The following ARID1B variants were observed in gnomAD, a reference collection of about 807,000 sequenced individuals.
The protein encoded by ARID1B is AT-rich interaction domain 1B, also known as AT-rich interactive domain-containing protein 1B.
A neutral mutation model predicts 212.3 loss-of-function variants in ARID1B; 30 were observed. The ratio of observed to expected loss-of-function variants is 0.14; its 90% CI spans 0.11 to 0.19. The LOEUF (loss-of-function observed/expected upper bound fraction) is 0.19, where lower values mean the gene tolerates loss of function less well. Among genes scored for constraint, ARID1B ranks in the 10% least tolerant of loss-of-function variants. ARID1B has a pLI of 1.00. For missense variants in ARID1B, 2,891 were observed against 3,204.0 expected (o/e 0.90, Z 2.36); for synonymous variants, 1,402 against 1,301.7 (o/e 1.08, Z -1.66).
intron 4 of ARID1B, among the ~76,000 whole-genome samples, chr6:157,062,690 A>AG (rs1783416315): frequency 7.9e-6 from 1 of 126,468 alleles, no homozygotes; most frequent in African/African-American, 3.1e-5. Context: ...GTATGTTTTA[A>AG]AATATATATA....
intron 6 of ARID1B, among the ~76,000 whole-genome samples, chr6:157,117,282 AAT>A (rs1409526247): frequency 1.3e-5 from 2 of 152,202 alleles, no homozygotes; most frequent in African/African-American, 4.8e-5. Context: ...TTCATTATTG[AAT>A]ATTTCATTAT....
At chr6:156,859,609 ATTTATACACCAGCCT>A (rs1239196269) in intron 2 of ARID1B, among the ~76,000 whole-genome samples, 4 of 152,186 alleles carry the variant, frequency 2.6e-5, no homozygotes, top group Non-Finnish European at 5.9e-5. Flanking sequence ...TTATTTTATA[ATTTATACACCAGCCT>A]TTTATACAGA....
chr6:157,004,391 A>G (rs927734519), intron 4 of ARID1B, among the ~76,000 whole-genome samples: 1 of 152,212 alleles, frequency 6.6e-6, no homozygotes, highest in African/African-American at 2.4e-5. Flanking sequence ...CTGAAATGTT[A>G]AATGAAGCCA....
Position 156,786,485 on chromosome 6 carries a change from G to A in ARID1B, c.1791+7014G>A, listed in dbSNP as rs576513005. 9.9e-5 allele frequency among the ~76,000 whole-genome samples: 15 copies of A among 152,276 alleles called. No homozygotes were observed. The South Asian group carries it at 2.9e-3, about 30-fold the overall frequency. On this transcript the variant is annotated intron_variant, in intron 1 of 19. Coordinates refer to ENST00000636930, the MANE Select transcript of ARID1B (RefSeq NM_001374828.1). Reference sequence around the variant, plus strand: ...CTAGTCTCATGAACAGGCGTCTTTGGTTTGTGTAAGGTATTGGAATTGTAC... The same window carrying A: ...CTAGTCTCATGAACAGGCGTCTTTGATTTGTGTAAGGTATTGGAATTGTAC...
intron 4 of ARID1B, among the ~76,000 whole-genome samples, chr6:157,035,780 C>T (rs908101488): frequency 1.3e-5 from 2 of 152,178 alleles, no homozygotes; most frequent in Admixed American, 1.3e-4. Context: ...GGTCAGTGAG[C>T]CTGGCTTTCA....
intron 4 of ARID1B, chr6:156,936,478 T>G (rs1176297700): frequency 6.6e-6 from 1 of 151,962 alleles, no homozygotes; most frequent in Non-Finnish European, 1.5e-5. Flanking sequence ...AGTTCATATC[T>G]ACTTAATTTG....
chr6:156,907,975 A>G (rs1236973869), intron 3 of ARID1B, among the ~76,000 whole-genome samples: 1 of 149,434 alleles, frequency 6.7e-6, no homozygotes, highest in African/African-American at 2.4e-5. Context: ...TTGTGTTGTT[A>G]TCTGTTCTCT....
At chr6:157,086,310 GAT>G (rs969720162) in intron 5 of ARID1B, among the ~76,000 whole-genome samples, 24 of 152,156 alleles carry the variant, frequency 1.6e-4, no homozygotes, top group Non-Finnish European at 3.1e-4. Flanking sequence ...TTCTTTCAAA[GAT>G]ATATGTTTGT....
intron 4 of ARID1B, among the ~76,000 whole-genome samples, chr6:157,041,090 C>G (rs554241322): frequency 6.6e-6 from 1 of 152,212 alleles, no homozygotes; most frequent in South Asian, 2.1e-4. Context: ...AGTTCTGAAA[C>G]TGTAGACCAC....
intron 8 of ARID1B, among the ~76,000 whole-genome samples, chr6:157,157,115 C>T (rs1286754735): frequency 2.0e-5 from 3 of 152,206 alleles, no homozygotes; most frequent in African/African-American, 7.2e-5. Flanking sequence ...TTCGGATATT[C>T]CCCTCTCCGG....
intron 6 of ARID1B, among the ~76,000 whole-genome samples, chr6:157,129,786 A>G (rs1342053780): frequency 6.6e-6 from 1 of 152,260 alleles, no homozygotes; most frequent in Non-Finnish European, 1.5e-5. Context: ...ATAGAAAAAG[A>G]AATACCTTGC....
intron 4 of ARID1B, among the ~76,000 whole-genome samples, chr6:157,027,989 A>G (rs1780769766): frequency 6.6e-6 from 1 of 152,206 alleles, no homozygotes. Context: ...AAAAGAGTTT[A>G]TTTATTACAT....
chr6:156,793,244 T>G (rs573523347), intron 1 of ARID1B, among the ~76,000 whole-genome samples: 4 of 151,966 alleles, frequency 2.6e-5, no homozygotes, highest in South Asian at 4.2e-4. Context: ...AAGTGGAGAG[T>G]GGTCCTCCTG....
At chr6:157,033,741 C>G (rs1254991088) in intron 4 of ARID1B, among the ~76,000 whole-genome samples, 1 of 152,158 alleles carries the variant, frequency 6.6e-6, no homozygotes, top group South Asian at 2.1e-4. Flanking sequence ...TGAACTTTCA[C>G]AGAGCTCTTA....
intron 5 of ARID1B, among the ~76,000 whole-genome samples, chr6:157,085,113 T>A (rs185580693): frequency 1.3e-5 from 2 of 152,308 alleles, no homozygotes; most frequent in African/African-American, 4.8e-5. Flanking sequence ...AAATGACCAA[T>A]TACTTTGATA....
intron 7 of ARID1B, among the ~76,000 whole-genome samples, chr6:157,135,084 A>G (rs1788821291): frequency 6.6e-6 from 1 of 151,856 alleles, no homozygotes; most frequent in African/African-American, 2.4e-5. Flanking sequence ...TTACTATAGA[A>G]TGGATTTTTT....
At chr6:157,067,895 C>T (rs1783779864) in intron 4 of ARID1B, among the ~76,000 whole-genome samples, 1 of 152,128 alleles carries the variant, frequency 6.6e-6, no homozygotes, top group South Asian at 2.1e-4. Flanking sequence ...ATTCCACAGT[C>T]AACAATTCTC....
rs555076665 is a variant in ARID1B, at chr6:157,198,749, T to C, written c.4383-62T>C. ...AGTCAGGGTTCCAGAAATGGATTGT[T>C]TATTTCTCTGTTTGCCTGAAGCTTT... is the stretch of plus-strand genomic sequence containing the variant. On this transcript the variant is annotated intron_variant, in intron 16 of 19. Transcript: ENST00000636930. 8.6e-5 allele frequency: 120 copies of C among 1,396,814 alleles called. 1 individual carries two copies. In the Middle Eastern group the frequency reaches 8.8e-4, roughly 10 times the overall value. The allele number at this position is 1,396,814 out of a possible 1,614,324, so 86.5% of individuals were successfully genotyped here.
intron 4 of ARID1B, among the ~76,000 whole-genome samples, chr6:157,064,174 A>G (rs1375898590): frequency 6.6e-6 from 1 of 151,942 alleles, no homozygotes; most frequent in Non-Finnish European, 1.5e-5. Flanking sequence ...CACCTCTGAG[A>G]TTTTTCCCTG....
Sources: allele counts gnomAD v4.1 joint callset (sites outside exome capture counted in the v4.1 genomes callset), GRCh38; gene constraint gnomAD v4.1.1; transcripts MANE v1.5; gene names NCBI Gene and HGNC (gene_info 2026-07-23, HGNC 2026-07-21).